The following MYOM1 variants were observed in gnomAD, a reference collection of about 807,000 sequenced individuals.
MYOM1 encodes the protein myomesin 1.
Under a neutral mutation model 205.3 loss-of-function variants are expected in MYOM1, and 164 were observed. The observed-to-expected ratio is 0.80, with a 90% CI of 0.70 to 0.91. The LOEUF (loss-of-function observed/expected upper bound fraction) is 0.91, where lower values mean the gene tolerates loss of function less well. Ranked by LOEUF, MYOM1 falls within the 40% of genes least tolerant of loss-of-function variation. MYOM1 has a pLI of 0.00. For synonymous variants in MYOM1, 772 were observed against 789.4 expected, an observed-to-expected ratio of 0.98 and a Z score of 0.37; for missense variants, 2,011 against 2,127.3, an observed-to-expected ratio of 0.95 and a Z score of 1.08.
At chr18:3,230,451 A>C in the MYOM1 span, among the ~76,000 whole-genome samples, 1 of 152,236 alleles carries the variant, frequency 6.6e-6, no homozygotes, top group African/African-American at 2.4e-5. Context: ...AAAAATTGAA[A>C]GTGCCTCTGA....
chr18:3,071,681 T>A (rs1403731915), intron 37 of MYOM1, among the ~76,000 whole-genome samples, 153 bp downstream of exon 37: 1 of 152,142 alleles, frequency 6.6e-6, no homozygotes, highest in Admixed American at 6.5e-5. Context: ...TTTTTAACCT[T>A]GTGTTTGGTT....
In MYOM1 at chr18:3,135,059, C is replaced by T; in HGVS notation, c.2210-235G>A. 2.2e-6 allele frequency: 1 copy of T among 450,652 alleles called. No homozygotes were observed. The highest frequency in any genetic ancestry group is 2.4e-5 in the South Asian group (1 of 41,708). The allele number at this position is 450,652 out of a possible 1,614,324, so 27.9% of individuals were successfully genotyped here. ...CACCTCCTGGGTTCAGGCAATTTTCCCACCTCAGCCTCCTGAGTAGCTGGA... is the reference window on the plus strand; with the variant it reads ...CACCTCCTGGGTTCAGGCAATTTTCTCACCTCAGCCTCCTGAGTAGCTGGA... On this transcript the variant is annotated intron_variant, in intron 15 of 37. Transcript: ENST00000356443. The surrounding 1 kb of genome is among the most constrained non-coding windows in gnomAD (Gnocchi z 4.1).
chr18:3,242,697 T>C, the MYOM1 span, among the ~76,000 whole-genome samples: 2 of 151,994 alleles, frequency 1.3e-5, no homozygotes, highest in Non-Finnish European at 2.9e-5. Context: ...TTAGTAGAGA[T>C]GGGGTTTCAC....
chr18:3,089,231 A>G lies in MYOM1; in HGVS notation c.4080T>C (p.Phe1360=). 1 of 1,611,426 alleles carries G rather than the reference A, an allele frequency of 6.2e-7. No homozygotes were observed. The highest frequency in any genetic ancestry group is 1.1e-5 in the South Asian group (1 of 90,812). ...QEWIRKQGPH[F]VEYLSWEVTG... ...TCACTTCCCAGCTCAAATACTCAAC[A>G]AAGTGAGGACCTATAAAATTTTAAT... The change falls in exon 29 of 38, where the codon TTT becomes TTC. Residue 1360 remains phenylalanine, a synonymous_variant. Coordinates refer to ENST00000356443, the MANE Select transcript of MYOM1 (RefSeq NM_003803.4).
At chr18:3,094,662 C>A (rs1316520122) in intron 25 of MYOM1, among the ~76,000 whole-genome samples, 1 of 150,782 alleles carries the variant, frequency 6.6e-6, no homozygotes, top group African/African-American at 2.4e-5. Context: ...TTTTCTTTTT[C>A]TTTTTCTTTT....
At chr18:3,071,342 C>T (rs183646716) in intron 37 of MYOM1, among the ~76,000 whole-genome samples, 76 of 152,170 alleles carry the variant, frequency 5.0e-4, no homozygotes, top group African/African-American at 1.7e-3. Flanking sequence ...ACCTATGAAA[C>T]GTTAAGATGA....
intron 6 of MYOM1, 67 bp from the exon 7 acceptor site, chr18:3,174,275 C>G (rs1315406739): frequency 1.4e-6 from 2 of 1,398,664 alleles, no homozygotes; most frequent in African/African-American, 2.9e-5. Context: ...GCTGTTCTAT[C>G]AAGGAACTCT....
intron 2 of MYOM1, among the ~76,000 whole-genome samples, chr18:3,208,079 T>C (rs914853060): frequency 3.9e-5 from 6 of 152,214 alleles, no homozygotes; most frequent in African/African-American, 9.6e-5. Flanking sequence ...TTGCCAATTA[T>C]GTGAACCTGT....
the MYOM1 span, among the ~76,000 whole-genome samples, chr18:3,228,098 G>C: frequency 0.078 from 11,835 of 152,190 alleles, 494 homozygotes; most frequent in African/African-American, 0.1. The surrounding 1 kb of genome is among the most constrained non-coding windows in gnomAD (Gnocchi z 4.5). Context: ...CAAGAGCAGT[G>C]GCCAAGTGTC....
In MYOM1 at chr18:3,135,826, A is replaced by T; in HGVS notation, c.2026-96T>A. 1 of 1,322,374 alleles carries T rather than the reference A, an allele frequency of 7.6e-7. No individual in the cohort carries two copies. The highest frequency in any genetic ancestry group is 1.3e-5 in the South Asian group (1 of 74,702). 81.9% of individuals were successfully genotyped at this position (1,322,374 alleles called of 1,614,324 possible). ...AAGTTTCATTCATCTGCAACAAACCACTCCCTGTAATGCAAGCTGGACTGG... is the reference window on the plus strand; with the variant it reads ...AAGTTTCATTCATCTGCAACAAACCTCTCCCTGTAATGCAAGCTGGACTGG... On this transcript the variant is annotated intron_variant, in intron 14 of 37. Coordinates refer to ENST00000356443, the MANE Select transcript of MYOM1 (RefSeq NM_003803.4). The surrounding 1 kb of genome is among the most constrained non-coding windows in gnomAD (Gnocchi z 4.1).
intron 21 of MYOM1, among the ~76,000 whole-genome samples, chr18:3,114,705 T>C (rs1246871714): frequency 1.3e-5 from 2 of 151,952 alleles, no homozygotes; most frequent in Admixed American, 6.6e-5. Context: ...TTGTGCTTCT[T>C]ATGTTTGAAT....
chr18:3,176,403 CAT>C (rs1282543194), intron 5 of MYOM1, among the ~76,000 whole-genome samples: 4 of 152,192 alleles, frequency 2.6e-5, no homozygotes, highest in African/African-American at 7.2e-5. Context: ...TATCATGTAA[CAT>C]AGTTACCGAA....
rs8097874 is a variant in MYOM1, at chr18:3,112,570, C to T, written c.3304-158G>A. Among the ~76,000 whole-genome samples the T allele has an allele frequency of 7.9e-5, 12 of 152,248 alleles. No individual in the cohort carries two copies. In the South Asian group the frequency reaches 1.7e-3, roughly 21 times the overall value. On this transcript the variant is annotated intron_variant, in intron 21 of 37. Transcript: ENST00000356443. ...CTAGATTTGATTCTGTCAAACACTA[C>T]GCAGGTGACTTTAGCTGTAGATGGT...
the MYOM1 span, among the ~76,000 whole-genome samples, chr18:3,232,595 A>G: frequency 6.6e-6 from 1 of 152,134 alleles, no homozygotes; most frequent in East Asian, 1.9e-4. Context: ...GGTACAGTTT[A>G]AATATGTGTA....
intron 34 of MYOM1, 103 bp from the exon 35 acceptor site, chr18:3,075,864 A>G (rs545608325): frequency 3.9e-6 from 4 of 1,023,408 alleles, no homozygotes; most frequent in South Asian, 1.4e-5. Flanking sequence ...CGGTCCAGAC[A>G]TGACTAAACC....
intron 11 of MYOM1, among the ~76,000 whole-genome samples, chr18:3,154,616 TACACACACACACACAC>T (rs10625884): frequency 1.4e-5 from 2 of 145,850 alleles, no homozygotes; most frequent in Admixed American, 6.9e-5. Flanking sequence ...ACCTACTCAA[TACACACACACACACAC>T]ACACACACAC....
rs1468076045 is a variant in MYOM1 at position 3,215,089 on chromosome 18, G to A, written c.135C>T (p.Ala45=). The part of the protein sequence containing the change: ...RSAVYTQGST[A]YSSRSSAAHR... Reference sequence around the variant, plus strand: ...GCGCGGCGGAGGAGCGGCTGCTGTAGGCCGTGGAGCCCTGGGTGTAGACGG... The same window carrying A: ...GCGCGGCGGAGGAGCGGCTGCTGTAAGCCGTGGAGCCCTGGGTGTAGACGG... Residue 45 remains alanine (A), a synonymous_variant, in exon 2 of 38, where the codon GCC becomes GCT. Transcript: ENST00000356443. The A allele has an allele frequency of 8.7e-6, 14 of 1,613,698 alleles. 1 individual carries two copies. The highest frequency in any genetic ancestry group is 2.2e-5 in the South Asian group (2 of 91,076).
At chr18:3,109,883 C>G (rs1317632095) in intron 22 of MYOM1, among the ~76,000 whole-genome samples, 4 of 152,126 alleles carry the variant, frequency 2.6e-5, no homozygotes, top group Non-Finnish European at 5.9e-5. Flanking sequence ...ATCTGGACTC[C>G]CAAAGTGTTG....
intron 2 of MYOM1, among the ~76,000 whole-genome samples, chr18:3,211,200 G>C (rs1318653367): frequency 6.6e-6 from 1 of 152,132 alleles, no homozygotes; most frequent in African/African-American, 2.4e-5. Context: ...CAGCTTACTT[G>C]CAAGAATGGA....
Sources: gnomAD v4.1 joint callset for allele counts (sites outside exome capture counted in the v4.1 genomes callset) on GRCh38, gnomAD v4.1.1 for gene constraint, Gnocchi (gnomAD v3.1) non-coding constraint, MANE v1.5 for transcripts, NCBI Gene and HGNC (gene_info 2026-07-23, HGNC 2026-07-21) for gene names.